HSF2BP: variants seen among roughly 807,000 people sequenced by gnomAD.
HSF2BP encodes the protein heat shock factor 2-binding protein.
Under a neutral mutation model 35.0 loss-of-function variants are expected in HSF2BP, and 35 were observed. The ratio of observed to expected loss-of-function variants is 1.00; its 90% CI spans 0.76 to 1.32. HSF2BP has a LOEUF of 1.32. Ranked by LOEUF, HSF2BP falls within the 40% of genes most tolerant of loss-of-function variation. HSF2BP has a pLI of 0.00. For synonymous variants in HSF2BP, 114 were observed against 117.4 expected, an observed-to-expected ratio of 0.97 and a Z score of 0.18; for missense variants, 326 against 321.7, an observed-to-expected ratio of 1.01 and a Z score of -0.10.
Position 43,641,016 on chromosome 21 carries a change from A to C in HSF2BP, c.291+3273T>G, listed in dbSNP as rs191972302. ...TTTCCTCAATATCTTTCTGTAGTTC[A>C]TTCTGTATTTTAGCTTAACTACAAT... On this transcript the variant is annotated intron_variant, in intron 4 of 8. Coordinates refer to ENST00000291560, the MANE Select transcript of HSF2BP (RefSeq NM_007031.2). 2.3e-4 allele frequency among the ~76,000 whole-genome samples: 35 copies of C among 152,298 alleles called. No homozygotes were observed. In the East Asian group the frequency reaches 5.0e-3, roughly 22 times the overall value.
At chr21:43,581,519 C>T (rs144838217) in intron 8 of HSF2BP, among the ~76,000 whole-genome samples, 17 of 152,316 alleles carry the variant, frequency 1.1e-4, no homozygotes, top group African/African-American at 3.8e-4. Context: ...AGCCATAGGG[C>T]TCCTCTGCAT....
chr21:43,590,812 G>A (rs1487434835), intron 8 of HSF2BP, among the ~76,000 whole-genome samples: 2 of 152,180 alleles, frequency 1.3e-5, no homozygotes, highest in South Asian at 2.1e-4. Context: ...TAACTACAGC[G>A]CAGAAAGGAG....
chr21:43,650,997 C>G (rs370886384), intron 3 of HSF2BP, among the ~76,000 whole-genome samples: 1 of 152,146 alleles, frequency 6.6e-6, no homozygotes, highest in Admixed American at 6.5e-5. Flanking sequence ...CGTGAGCCAC[C>G]GCACCCGGCC....
At chr21:43,608,813 A>AT (rs1050149188) in intron 7 of HSF2BP, among the ~76,000 whole-genome samples, 3 of 151,724 alleles carry the variant, frequency 2.0e-5, no homozygotes, top group Non-Finnish European at 2.9e-5. Flanking sequence ...AAAAAAAAAA[A>AT]TTTTTTTTAA....
intron 7 of HSF2BP, among the ~76,000 whole-genome samples, chr21:43,611,078 A>T (rs905497367): frequency 2.0e-5 from 3 of 152,046 alleles, no homozygotes; most frequent in African/African-American, 7.2e-5. Context: ...TCTACAAAAA[A>T]ATTTTTAAAA....
intron 7 of HSF2BP, 100 bp downstream of exon 7, chr21:43,613,730 C>T: frequency 1.2e-6 from 1 of 828,188 alleles, no homozygotes; most frequent in Non-Finnish European, 2.0e-6. Context: ...GTTTTTAAAA[C>T]TACCACCAAA....
rs75868322 is a variant in HSF2BP, at chr21:43,577,582, G to A, written c.796+14643C>T. Among the ~76,000 whole-genome samples, 1,502 of 152,284 alleles carry A rather than the reference G, an allele frequency of 9.9e-3. 21 individuals are homozygous for A. Among genetic ancestry groups the A allele is most frequent in the African/African-American group, 0.033 (1,362 of 41,558 alleles). On this transcript the variant is annotated intron_variant, in intron 8 of 8. Coordinates refer to ENST00000291560, the MANE Select transcript of HSF2BP (RefSeq NM_007031.2). ...CCACAGGCTTCCTCATTCAACTCCA[G>A]TGAAGAAGTCTCTCCCCCATCCCTT... is the stretch of plus-strand genomic sequence containing the variant.
At chr21:43,467,865 A>AC in the HSF2BP span, among the ~76,000 whole-genome samples, 2 of 127,338 alleles carry the variant, frequency 1.6e-5, no homozygotes, top group Non-Finnish European at 3.4e-5. Flanking sequence ...CACACCACAC[A>AC]CACACCAAAC....
intron 7 of HSF2BP, among the ~76,000 whole-genome samples, chr21:43,610,639 T>A (rs529386856): frequency 6.6e-6 from 1 of 152,034 alleles, no homozygotes; most frequent in Non-Finnish European, 1.5e-5. Flanking sequence ...TCTCTCCATA[T>A]ACACATATAT....
At chr21:43,612,377 C>T (rs951043679) in intron 7 of HSF2BP, among the ~76,000 whole-genome samples, 2 of 152,262 alleles carry the variant, frequency 1.3e-5, no homozygotes, top group African/African-American at 4.8e-5. Context: ...CTAGGCCGGG[C>T]GCAGGGGCTC....
chr21:43,645,698 A>G (rs2082699047), intron 3 of HSF2BP, among the ~76,000 whole-genome samples: 1 of 152,220 alleles, frequency 6.6e-6, no homozygotes, highest in African/African-American at 2.4e-5. Context: ...GCGCCTGGAA[A>G]ACGGAACATT....
chr21:43,592,248 G>T lies in HSF2BP; in HGVS notation c.773C>A (p.Pro258His). The T allele has an allele frequency of 1.2e-6, 2 of 1,613,500 alleles. No individual in the cohort carries two copies. Among genetic ancestry groups the T allele is most frequent in the Non-Finnish European group, 1.7e-6 (2 of 1,179,506 alleles). ...ACCACTCAAAAGCCACCACAGCAAA[G>T]GGATGAATCCTGGACTCTCGCTGAT... is the stretch of plus-strand genomic sequence containing the variant. ...KYISESPGFI[P>H]LLWWLLSDPD... The change falls in exon 8 of 9, where the codon CCT becomes CAT. Residue 258 changes from proline (P) to histidine (H), a missense_variant. By Grantham distance (77) the Pro-to-His change is moderately conservative. Transcript: ENST00000291560.
At chr21:43,643,822 G>C (rs1465186588) in intron 4 of HSF2BP, among the ~76,000 whole-genome samples, 3 of 152,056 alleles carry the variant, frequency 2.0e-5, no homozygotes, top group Non-Finnish European at 2.9e-5. Context: ...GCCGGCCGTG[G>C]TGGCGGCCAC....
At chr21:43,612,692 G>C (rs2082223332) in intron 7 of HSF2BP, among the ~76,000 whole-genome samples, 1 of 151,210 alleles carries the variant, frequency 6.6e-6, no homozygotes, top group African/African-American at 2.4e-5. Flanking sequence ...AGCAGGGGAT[G>C]GTGGCACATG....
intron 4 of HSF2BP, among the ~76,000 whole-genome samples, chr21:43,636,073 T>C (rs2082549433): frequency 6.8e-6 from 1 of 147,278 alleles, no homozygotes; most frequent in Non-Finnish European, 1.5e-5. Context: ...TTTTTTTAAA[T>C]AGCCAGGCAT....
intron 5 of HSF2BP, among the ~76,000 whole-genome samples, chr21:43,631,919 CCA>C (rs374774259): frequency 2.1e-5 from 3 of 145,364 alleles, no homozygotes; most frequent in African/African-American, 5.1e-5. Context: ...CCACACGCTC[CCA>C]CACACACGAT....
chr21:43,653,184 G>C (rs1456823725), intron 3 of HSF2BP, among the ~76,000 whole-genome samples: 1 of 117,100 alleles, frequency 8.5e-6, no homozygotes, highest in Non-Finnish European at 1.7e-5. Context: ...AGAGAGAAAA[G>C]GGAAAGGAAG....
intron 8 of HSF2BP, among the ~76,000 whole-genome samples, chr21:43,586,270 C>A (rs1312942658): frequency 6.6e-6 from 1 of 152,118 alleles, no homozygotes; most frequent in African/African-American, 2.4e-5. Context: ...AGCCATGTAG[C>A]TGAACGAAGG....
chr21:43,628,506 A>C (rs148586514), intron 6 of HSF2BP, among the ~76,000 whole-genome samples: 88 of 152,388 alleles, frequency 5.8e-4, no homozygotes, highest in African/African-American at 2.0e-3. Context: ...AAAAGCTGGA[A>C]GCTAGTACAG....
Sources: allele counts gnomAD v4.1 joint callset (sites outside exome capture counted in the v4.1 genomes callset), GRCh38; gene constraint gnomAD v4.1.1; transcripts MANE v1.5; gene names NCBI Gene and HGNC (gene_info 2026-07-23, HGNC 2026-07-21).